The following DIP2A variants were observed in gnomAD, a reference collection of about 807,000 sequenced individuals.
The protein encoded by DIP2A is disco-interacting protein 2 homolog A.
In DIP2A, 85 loss-of-function variants were observed where a neutral mutation model predicts 177.4. The observed-to-expected ratio is 0.48, with a 90% CI of 0.40 to 0.57. The LOEUF is 0.57. Among genes scored for constraint, DIP2A ranks in the 20% least tolerant of loss-of-function variants. The pLI is 0.00. For missense variants in DIP2A, 1,791 were observed against 2,100.2 expected, an observed-to-expected ratio of 0.85 and a Z score of 2.88; for synonymous variants, 886 against 881.8, an observed-to-expected ratio of 1.00 and a Z score of -0.08.
intron 25 of DIP2A, chr21:46,553,094 G>T (rs117645663): frequency 6.6e-6 from 1 of 152,400 alleles, no homozygotes; most frequent in Non-Finnish European, 1.5e-5. Context: ...TTTTCCCTAA[G>T]GATGCAGTGG....
chr21:46,562,020 G>A (rs2060682362), intron 34 of DIP2A: 1 of 798,748 alleles, frequency 1.3e-6, no homozygotes, highest in Non-Finnish European at 1.5e-6. Flanking sequence ...TGAGCTCAAA[G>A]CCAAGAAAGG....
In DIP2A at chr21:46,554,683, A is replaced by G. The variant is rs2060395528; in HGVS notation, c.3263A>G (p.Lys1088Arg). Residue 1088 changes from lysine (K) to arginine (R), a missense_variant, in exon 27 of 38, where the codon AAG becomes AGG. Coordinates refer to ENST00000417564, the MANE Select transcript of DIP2A (RefSeq NM_015151.4). Reference sequence around the variant, plus strand: ...CTCGGCACCACACTGCCCACCGTCAAGATGATCGTGGAGGTGCGCCTACCT... The same window carrying G: ...CTCGGCACCACACTGCCCACCGTCAGGATGATCGTGGAGGTGCGCCTACCT... ...QNLGTTLPTV[K>R]MIVEVSKSAC... 2 of 1,571,342 alleles carry G rather than the reference A, an allele frequency of 1.3e-6. No individual in the cohort carries two copies. The highest frequency in any genetic ancestry group is 2.7e-5 in the African/African-American group (2 of 73,892).
chr21:46,577,595 G>T, the DIP2A span, among the ~76,000 whole-genome samples: 1 of 151,572 alleles, frequency 6.6e-6, no homozygotes, highest in African/African-American at 2.4e-5. Flanking sequence ...TTTTGCTTAG[G>T]ATTGTCTTGG....
At chr21:46,580,699 A>G in the DIP2A span, among the ~76,000 whole-genome samples, 1 of 152,288 alleles carries the variant, frequency 6.6e-6, no homozygotes, top group Admixed American at 6.5e-5. Context: ...TCCTTCATTT[A>G]TGAATCTTAA....
At position 46,566,500 on chromosome 21, in the gene DIP2A, A is replaced by G. The variant is rs551846932; in HGVS notation, c.4340-60A>G. 136 of 1,609,652 alleles carry G rather than the reference A, an allele frequency of 8.4e-5. No homozygotes were observed. In the Admixed American group the frequency reaches 2.2e-3, roughly 27 times the overall value. On this transcript the variant is annotated intron_variant, in intron 36 of 37. Transcript: ENST00000417564. ...CCCCTGGTTGGGCTCAGAGGATACG[A>G]ATGTCCAGACTCTGCATGCCTTGGC...
the DIP2A span, among the ~76,000 whole-genome samples, chr21:46,576,677 C>G: frequency 6.6e-6 from 1 of 152,126 alleles, no homozygotes; most frequent in Non-Finnish European, 1.5e-5. Flanking sequence ...ATTTCTGGGT[C>G]TAGGTCTTTG....
chr21:46,576,933 A>T, the DIP2A span, among the ~76,000 whole-genome samples: 1 of 152,128 alleles, frequency 6.6e-6, no homozygotes, highest in African/African-American at 2.4e-5. Flanking sequence ...TCTTCTTTTG[A>T]CAGGTGTCTG....
chr21:46,507,649 G>GTT (rs1176926176), intron 6 of DIP2A, among the ~76,000 whole-genome samples: 3 of 115,896 alleles, frequency 2.6e-5, no homozygotes, highest in Non-Finnish European at 5.4e-5. Context: ...AAATTATACA[G>GTT]TTTGAGTCCT....
chr21:46,557,414 C>T lies in DIP2A; in HGVS notation c.3630-171C>T. The T allele has an allele frequency of 1.2e-6, 1 of 853,540 alleles. No homozygotes were observed. The highest frequency in any genetic ancestry group is 1.8e-6 in the Non-Finnish European group (1 of 567,996). 52.9% of individuals were successfully genotyped at this position (853,540 alleles called of 1,614,324 possible). A position where few individuals can be genotyped will look rare whatever the true frequency, so the allele number is the denominator to read the frequency against. ...AGCTCAGAACCCCGTGCCTGCCATC[C>T]CCCAACCTTCACCCTGTGGCATGTT... On this transcript the variant is annotated intron_variant, in intron 30 of 37. Coordinates refer to ENST00000417564, the MANE Select transcript of DIP2A (RefSeq NM_015151.4). This position sits in a 1 kb window ranked among gnomAD's most constrained non-coding sequence, Gnocchi z 6.0.
intron 13 of DIP2A, among the ~76,000 whole-genome samples, chr21:46,536,561 C>A (rs2059580833): frequency 6.6e-6 from 1 of 152,052 alleles, no homozygotes; most frequent in South Asian, 2.1e-4. Flanking sequence ...GTTTTTCATC[C>A]CCACCTCTTG....
At chr21:46,471,318 A>T (rs1226075278) in intron 1 of DIP2A, among the ~76,000 whole-genome samples, 4 of 152,214 alleles carry the variant, frequency 2.6e-5, no homozygotes, top group African/African-American at 9.6e-5. Context: ...GGCATGAGCC[A>T]CTGTGCCTGG....
rs58546395 is a variant in DIP2A, at chr21:46,464,844, T to TTTTTTTTTTTTTTTC, written c.91+5622_91+5623insTTTTTTTTTTTTTTC. ...TTTTTTTTTTTTTTTTTTTTTTTTT[T>TTTTTTTTTTTTTTTC]CAAGAAAACACACAACAAATGTCAG... On this transcript the variant is annotated intron_variant, in intron 1 of 37. Coordinates refer to ENST00000417564, the MANE Select transcript of DIP2A (RefSeq NM_015151.4). Among the ~76,000 whole-genome samples the TTTTTTTTTTTTTTTC allele has an allele frequency of 1.4e-4, 16 of 111,212 alleles. 2 individuals are homozygous for TTTTTTTTTTTTTTTC. The highest frequency in any genetic ancestry group is 6.7e-4 in the African/African-American group (16 of 23,944). 73.0% of individuals were successfully genotyped at this position (111,212 alleles called of 152,430 possible). A position where few individuals can be genotyped will look rare whatever the true frequency, so the allele number is the denominator to read the frequency against.
intron 1 of DIP2A, among the ~76,000 whole-genome samples, chr21:46,466,786 C>T (rs1712494654): frequency 1.1e-5 from 1 of 94,692 alleles, no homozygotes; most frequent in Non-Finnish European, 2.6e-5. Context: ...GGATTTGATT[C>T]ATAGACTTCA....
intron 1 of DIP2A, among the ~76,000 whole-genome samples, chr21:46,467,645 GA>G (rs1467318487): frequency 6.6e-6 from 1 of 152,136 alleles, no homozygotes; most frequent in Non-Finnish European, 1.5e-5. Flanking sequence ...AAACATGTTT[GA>G]AAATCTTTAA....
At chr21:46,519,835 G>A (rs2058740030) in intron 8 of DIP2A, among the ~76,000 whole-genome samples, 1 of 131,586 alleles carries the variant, frequency 7.6e-6, no homozygotes, top group South Asian at 2.7e-4. Context: ...AGTGTGCCCA[G>A]AATTAGAATA....
chr21:46,578,541 C>A, the DIP2A span, among the ~76,000 whole-genome samples: 1 of 152,142 alleles, frequency 6.6e-6, no homozygotes, highest in South Asian at 2.1e-4. Flanking sequence ...TGCCAGTTTT[C>A]AAGGGGAATG....
chr21:46,573,371 A>G (rs1287689634), downstream of DIP2A, among the ~76,000 whole-genome samples: 1 of 152,042 alleles, frequency 6.6e-6, no homozygotes, highest in Non-Finnish European at 1.5e-5. Flanking sequence ...GGATGGAAAA[A>G]TATATTCACT....
chr21:46,550,191 T>A, intron 22 of DIP2A: 1 of 775,932 alleles, frequency 1.3e-6, no homozygotes, highest in South Asian at 2.1e-5. Flanking sequence ...ATTATTATAT[T>A]CACCAGTCTG....
intron 21 of DIP2A, among the ~76,000 whole-genome samples, chr21:46,549,024 A>C (rs2060167933): frequency 6.6e-6 from 1 of 152,244 alleles, no homozygotes; most frequent in Non-Finnish European, 1.5e-5. Context: ...TCCGTACTGA[A>C]AACAGTTTTG....
Sources: allele counts gnomAD v4.1 joint callset (sites outside exome capture counted in the v4.1 genomes callset), GRCh38; gene constraint gnomAD v4.1.1; non-coding constraint Gnocchi (gnomAD v3.1); transcripts MANE v1.5; gene names NCBI Gene and HGNC (gene_info 2026-07-23, HGNC 2026-07-21).